Variants in SLC38A8 observed in about 807,000 individuals in gnomAD.
SLC38A8 encodes the protein solute carrier family 38 member 8, also known as amino acid transporter SLC38A8.
Under a neutral mutation model 46.0 loss-of-function variants are expected in SLC38A8, and 65 were observed. The ratio of observed to expected loss-of-function variants is 1.41; its 90% CI spans 1.16 to 1.74. The LOEUF (loss-of-function observed/expected upper bound fraction) is 1.74. SLC38A8 is among the 40% of genes most tolerant of loss of function. SLC38A8 has a pLI of 0.00. For synonymous variants in SLC38A8, 447 were observed against 243.7 expected (o/e 1.83, Z -7.77); for missense variants, 998 against 567.9 (o/e 1.76, Z -7.70).
chr16:84,036,876 C>A lies in SLC38A8; in HGVS notation c.214G>T (p.Gly72Trp). Residue 72 changes from glycine to tryptophan, a missense_variant, in exon 3 of 11, where the codon GGG becomes TGG. Gly to Trp is a radical substitution (Grantham distance 184). Coordinates refer to ENST00000299709, the MANE Select transcript of SLC38A8 (RefSeq NM_001080442.3). ...ELVSLVFLISGLVILGYAAAV... is the reference protein window; with the variant it reads ...ELVSLVFLISWLVILGYAAAV... ...GCAGCATAGCCCAGGATGACCAGCCCGCTGATCAGGAAGACCAACGAGACC... is the reference window on the plus strand; with the variant it reads ...GCAGCATAGCCCAGGATGACCAGCCAGCTGATCAGGAAGACCAACGAGACC... 1 of 1,612,834 alleles carries A rather than the reference C, an allele frequency of 6.2e-7. No individual in the cohort carries two copies.
intron 3 of SLC38A8, among the ~76,000 whole-genome samples, chr16:84,035,521 G>C (rs12149471): frequency 0.22 from 33,081 of 151,960 alleles, 4,011 homozygotes; most frequent in East Asian, 0.38. Context: ...AGCAAGACCC[G>C]ACCATATGCT....
chr16:84,024,158 C>T (rs1219961536), intron 6 of SLC38A8, among the ~76,000 whole-genome samples: 4 of 152,146 alleles, frequency 2.6e-5, no homozygotes, highest in Non-Finnish European at 5.9e-5. Flanking sequence ...CAAATGTTCC[C>T]TGGGGGTATA....
chr16:84,028,071 G>C (rs755430185), intron 6 of SLC38A8, among the ~76,000 whole-genome samples: 4 of 151,402 alleles, frequency 2.6e-5, no homozygotes, highest in Non-Finnish European at 4.4e-5. Flanking sequence ...TCCTAAAAAG[G>C]GTTCTCAAAG....
chr16:84,032,050 C>G lies in SLC38A8; in HGVS notation c.531-82G>C. 5 of 1,195,836 alleles carry G rather than the reference C, an allele frequency of 4.2e-6. 1 individual carries two copies. The South Asian group carries it at 6.5e-5, about 16-fold the overall frequency. The allele number at this position is 1,195,836 out of a possible 1,614,324, so 74.1% of individuals were successfully genotyped here. ...CGGGGACAGTAGTGGGATCTGAATC[C>G]CAGCTCCGCCCTTGACAATGAGGTG... On this transcript the variant is annotated intron_variant, in intron 4 of 10. Coordinates refer to ENST00000299709, the MANE Select transcript of SLC38A8 (RefSeq NM_001080442.3).
At chr16:84,026,467 T>C (rs561237583) in intron 6 of SLC38A8, among the ~76,000 whole-genome samples, 1 of 152,316 alleles carries the variant, frequency 6.6e-6, no homozygotes, top group East Asian at 1.9e-4. Context: ...CCTCAGGTGA[T>C]CCACCCGCCT....
intron 10 of SLC38A8, among the ~76,000 whole-genome samples, chr16:84,011,280 A>G (rs972602788): frequency 1.3e-5 from 2 of 152,230 alleles, no homozygotes; most frequent in African/African-American, 4.8e-5. Flanking sequence ...AACTGTTGTG[A>G]GCTCAGATCA....
intron 9 of SLC38A8, among the ~76,000 whole-genome samples, chr16:84,014,610 G>C (rs1193100133): frequency 6.6e-6 from 1 of 152,202 alleles, no homozygotes; most frequent in Non-Finnish European, 1.5e-5. Context: ...CCTCACCTCT[G>C]AGAGCTCTGG....
intron 9 of SLC38A8, among the ~76,000 whole-genome samples, chr16:84,013,525 G>A (rs887599951): frequency 7.1e-6 from 1 of 141,454 alleles, no homozygotes; most frequent in Non-Finnish European, 1.5e-5. Flanking sequence ...CCACCTCCCG[G>A]GTTCAAGTCA....
intron 6 of SLC38A8, among the ~76,000 whole-genome samples, chr16:84,028,869 A>T (rs535317064): frequency 6.6e-6 from 1 of 151,860 alleles, no homozygotes; most frequent in Non-Finnish European, 1.5e-5. Flanking sequence ...ATCCTTCAAG[A>T]TCCCTTTCAA....
chr16:84,015,145 C>T (rs140830865), intron 9 of SLC38A8, among the ~76,000 whole-genome samples: 2 of 152,110 alleles, frequency 1.3e-5, no homozygotes, highest in African/African-American at 2.4e-5. Flanking sequence ...GGTCCACTCA[C>T]GGAACACGCA....
Position 84,009,679 on chromosome 16 carries a change from G to A in SLC38A8, c.*105C>T, listed in dbSNP as rs912760526. 1.0e-6 allele frequency: 1 copy of A among 968,278 alleles called. No individual in the cohort carries two copies. The highest frequency in any genetic ancestry group is 1.7e-5 in the South Asian group (1 of 59,620). 60.0% of individuals were successfully genotyped at this position (968,278 alleles called of 1,614,324 possible). ...GAGGCAGAAGGCATCAGTCTCTCCA[G>A]CATCTTTATGAGGAAAAGAAATGGC... On this transcript the variant is annotated 3_prime_UTR_variant, in exon 11 of 11. Coordinates refer to ENST00000299709, the MANE Select transcript of SLC38A8 (RefSeq NM_001080442.3).
chr16:84,017,920 C>G (rs888297257), intron 7 of SLC38A8, among the ~76,000 whole-genome samples: 2 of 152,320 alleles, frequency 1.3e-5, no homozygotes, highest in Admixed American at 6.5e-5. Flanking sequence ...TACTGAATCA[C>G]TGAGTCACAC....
chr16:84,012,639 GC>G (rs1384722923), intron 10 of SLC38A8, among the ~76,000 whole-genome samples: 1 of 152,210 alleles, frequency 6.6e-6, no homozygotes, highest in African/African-American at 2.4e-5. Context: ...TGTCTGGCCG[GC>G]CATGGGGCCT....
intron 10 of SLC38A8, among the ~76,000 whole-genome samples, chr16:84,011,083 G>A (rs909237188): frequency 6.6e-6 from 1 of 152,242 alleles, no homozygotes; most frequent in African/African-American, 2.4e-5. Context: ...GGTTGTCATG[G>A]AAGGAACATT....
chr16:84,022,205 C>T (rs1398021422), intron 7 of SLC38A8, among the ~76,000 whole-genome samples: 10 of 152,158 alleles, frequency 6.6e-5, no homozygotes, highest in African/African-American at 1.2e-4. Context: ...CTGGAGGATA[C>T]GTTGGTGAAT....
intron 9 of SLC38A8, among the ~76,000 whole-genome samples, chr16:84,014,881 A>G (rs1207447347): frequency 1.3e-5 from 2 of 151,402 alleles, no homozygotes; most frequent in African/African-American, 4.9e-5. Context: ...TCGCCCCCCC[A>G]CCTCCGGGGT....
Position 84,019,659 on chromosome 16 carries a change from A to G in SLC38A8, c.806-2372T>C, listed in dbSNP as rs143925935. ...ATGGTTATTCCAACCCCATGACCCC[A>G]AAGTCTTCATTCGCTCCAGCACCAA... On this transcript the variant is annotated intron_variant, in intron 7 of 10. Coordinates refer to ENST00000299709, the MANE Select transcript of SLC38A8 (RefSeq NM_001080442.3). 6.0e-3 allele frequency among the ~76,000 whole-genome samples: 907 copies of G among 152,280 alleles called. 14 individuals carry two copies. Among genetic ancestry groups the G allele is most frequent in the African/African-American group, 0.021 (865 of 41,562 alleles).
At chr16:84,028,319 G>A (rs558939459) in intron 6 of SLC38A8, among the ~76,000 whole-genome samples, 3 of 152,162 alleles carry the variant, frequency 2.0e-5, no homozygotes, top group Middle Eastern at 3.4e-3. Context: ...GGTGGCTCAC[G>A]CCTATAATCC....
chr16:84,020,530 G>T (rs1053065383), intron 7 of SLC38A8, among the ~76,000 whole-genome samples: 1 of 152,178 alleles, frequency 6.6e-6, no homozygotes, highest in Non-Finnish European at 1.5e-5. Context: ...AATTAGCAAC[G>T]CACGCATCCT....
Sources: gnomAD v4.1 joint callset for allele counts (sites outside exome capture counted in the v4.1 genomes callset) on GRCh38, gnomAD v4.1.1 for gene constraint, MANE v1.5 for transcripts, NCBI Gene and HGNC (gene_info 2026-07-23, HGNC 2026-07-21) for gene names.